The following GRIK5 variants were observed in gnomAD, a reference collection of about 807,000 sequenced individuals.
GRIK5 encodes glutamate receptor ionotropic, kainate 5.
In GRIK5, 43 loss-of-function variants were observed where a neutral mutation model predicts 97.4. The observed-to-expected ratio is 0.44, with a 90% confidence interval of 0.35 to 0.57. The LOEUF (loss-of-function observed/expected upper bound fraction) is 0.57. Ranked by LOEUF, GRIK5 falls within the 20% of genes least tolerant of loss-of-function variation. The pLI, the probability that GRIK5 is intolerant of heterozygous loss-of-function variation, is 0.01. For synonymous variants in GRIK5, 580 were observed against 583.5 expected (o/e 0.99, Z 0.09); for missense variants, 1,015 against 1,382.0 (o/e 0.73, Z 4.21).
At position 42,059,385 on chromosome 19, in the gene GRIK5, G is replaced by A. The variant is rs147871232; in HGVS notation, c.651C>T (p.Asp217=). Residue 217 remains aspartate, a synonymous_variant, in exon 6 of 20, where the codon GAC becomes GAT. Coordinates refer to ENST00000593562, the MANE Select transcript of GRIK5 (RefSeq NM_002088.5). The part of the protein sequence containing the change: ...RDDKVSTIII[D]ANASISHLIL... ...TGAGGTGGGAGATGGAGGCGTTGGCGTCGATGATGATGGTGGACACCTTGT... is the reference window on the plus strand; with the variant it reads ...TGAGGTGGGAGATGGAGGCGTTGGCATCGATGATGATGGTGGACACCTTGT... 1.3e-5 allele frequency: 21 copies of A among 1,613,762 alleles called. No homozygotes were observed. The highest frequency in any genetic ancestry group is 3.3e-5 in the South Asian group (3 of 91,072).
chr19:41,999,051 G>A lies in GRIK5; in HGVS notation c.2763C>T (p.Pro921=), dbSNP rs1238716918. The A allele has an allele frequency of 8.1e-7, 1 of 1,238,234 alleles. No individual in the cohort carries two copies. Among genetic ancestry groups the A allele is most frequent in the Non-Finnish European group, 1.0e-6 (1 of 992,920 alleles). The allele number at this position is 1,238,234 out of a possible 1,614,324, so 76.7% of individuals were successfully genotyped here. ...CGTGGGTGCAGGGGGTGGGGGCGGC[G>A]GGTCGGGCTCCGCTGGGGGGCCCCG... is the stretch of plus-strand genomic sequence containing the variant. ...DDPGPPSGAR[P]AAPTPCTHVR... Residue 921 remains proline, a synonymous_variant, in exon 20 of 20, where the codon CCC becomes CCT. Transcript: ENST00000593562. This position sits in a 1 kb window ranked among gnomAD's most constrained non-coding sequence, Gnocchi z 5.0.
At position 42,062,702 on chromosome 19, in the gene GRIK5, C is replaced by A; in HGVS notation, c.343-49G>T. On this transcript the variant is annotated intron_variant, in intron 4 of 19. Transcript: ENST00000593562. The surrounding 1 kb of genome is among the most constrained non-coding windows in gnomAD (Gnocchi z 5.3). ...CTCCATCCTGCTTCTCCGCCCAGCC[C>A]TCGCCTCCCAGGGACCCGCTCCCCA... is the stretch of plus-strand genomic sequence containing the variant. The A allele has an allele frequency of 2.5e-6, 4 of 1,613,404 alleles. No individual in the cohort carries two copies. Among genetic ancestry groups the A allele is most frequent in the Non-Finnish European group, 3.4e-6 (4 of 1,179,398 alleles).
In GRIK5 at chr19:42,056,776, G is replaced by A. The variant is rs777272582; in HGVS notation, c.789C>T (p.Asn263=). The A allele has an allele frequency of 6.2e-7, 1 of 1,614,142 alleles. No individual in the cohort carries two copies. Among genetic ancestry groups the A allele is most frequent in the Admixed American group, 1.7e-5 (1 of 60,020 alleles). The part of the protein sequence containing the change: ...HLDGIVEDSS[N]ILGFSMFNTS... ...TGTTGAACATGGAGAAGCCCAGGATGTTGGAGGAGTCCTCCACAATACCGT... is the reference window on the plus strand; with the variant it reads ...TGTTGAACATGGAGAAGCCCAGGATATTGGAGGAGTCCTCCACAATACCGT... Residue 263 remains asparagine, a synonymous_variant, in exon 8 of 20, where the codon AAC becomes AAT. Transcript: ENST00000593562.
chr19:42,006,608 T>A lies in GRIK5; in HGVS notation c.2037+37A>T. ...CCTGAGCTGCTTTGCATGGCAGGGATCCCAACACCACGCCTGAGAGGTTCT... is the reference window on the plus strand; with the variant it reads ...CCTGAGCTGCTTTGCATGGCAGGGAACCCAACACCACGCCTGAGAGGTTCT... On this transcript the variant is annotated intron_variant, in intron 16 of 19. Coordinates refer to ENST00000593562, the MANE Select transcript of GRIK5 (RefSeq NM_002088.5). This position sits in a 1 kb window ranked among gnomAD's most constrained non-coding sequence, Gnocchi z 5.3. 1 of 1,598,186 alleles carries A rather than the reference T, an allele frequency of 6.3e-7. No individual in the cohort carries two copies. The highest frequency in any genetic ancestry group is 8.6e-7 in the Non-Finnish European group (1 of 1,166,768).
chr19:42,008,915 C>T (rs2075525841), intron 15 of GRIK5, among the ~76,000 whole-genome samples: 1 of 152,114 alleles, frequency 6.6e-6, no homozygotes. Flanking sequence ...ACAGATTAGA[C>T]ACCGGCAGCA....
chr19:42,023,566 C>G (rs2075729809), intron 12 of GRIK5, among the ~76,000 whole-genome samples: 1 of 152,134 alleles, frequency 6.6e-6, no homozygotes, highest in Admixed American at 6.5e-5. Context: ...GGCTCCAGTC[C>G]TGGGGCCAGG....
intron 12 of GRIK5, among the ~76,000 whole-genome samples, chr19:42,034,229 A>C (rs1406923401): frequency 6.6e-6 from 1 of 151,944 alleles, no homozygotes; most frequent in Non-Finnish European, 1.5e-5. Flanking sequence ...GGCGTGATGG[A>C]GCGTGCCTGT....
chr19:42,005,728 G>C lies in GRIK5; in HGVS notation c.2258C>G (p.Pro753Arg). The C allele has an allele frequency of 6.2e-7, 1 of 1,608,606 alleles. No homozygotes were observed. Residue 753 changes from proline to arginine, a missense_variant, in exon 17 of 20, where the codon CCG becomes CGG. Pro to Arg is a moderately radical substitution (Grantham distance 103). This residue lies in a region of GRIK5 where 229 missense variants were observed against 341.0 expected (regional missense o/e 0.67). Coordinates refer to ENST00000593562, the MANE Select transcript of GRIK5 (RefSeq NM_002088.5). ...LDTKGYGIGM[P>R]LGSPFRDEIT... ...CACACCGTGCTGTGCCGTACCCAGCGGCATGCCAATGCCGTAGCCCTTGGT... is the reference window on the plus strand; with the variant it reads ...CACACCGTGCTGTGCCGTACCCAGCCGCATGCCAATGCCGTAGCCCTTGGT...
chr19:42,065,151 CA>C lies in GRIK5; in HGVS notation c.244+71del. ...AAGAGGACAAGGCCAGGCCAGAGGCCAGGGGCAGAGGGATGGACTGAGGGCC... is the reference window on the plus strand; with the variant it reads ...AAGAGGACAAGGCCAGGCCAGAGGCCGGGGCAGAGGGATGGACTGAGGGCC... On this transcript the variant is annotated intron_variant, in intron 3 of 19. Coordinates refer to ENST00000593562, the MANE Select transcript of GRIK5 (RefSeq NM_002088.5). The surrounding 1 kb of genome is among the most constrained non-coding windows in gnomAD (Gnocchi z 5.8). 2.9e-6 allele frequency: 4 copies of C among 1,371,208 alleles called. No individual in the cohort carries two copies. The highest frequency in any genetic ancestry group is 3.0e-6 in the Non-Finnish European group (3 of 993,260). The allele number at this position is 1,371,208 out of a possible 1,614,324, so 84.9% of individuals were successfully genotyped here. A position where few individuals can be genotyped will look rare whatever the true frequency, so the allele number is the denominator to read the frequency against.
Position 42,059,472 on chromosome 19 carries a change from C to T in GRIK5, c.564G>A (p.Leu188=). Residue 188 remains leucine (L), a synonymous_variant, in exon 6 of 20, where the codon CTG becomes CTA. Transcript: ENST00000593562. The part of the protein sequence containing the change: ...VRGFLISKET[L]SVRMLDDSRD... Reference sequence around the variant, plus strand: ...GGCTGTCGTCCAACATCCTCACTGACAGCGTCTCCTTGGAGATGAGGAAGC... The same window carrying T: ...GGCTGTCGTCCAACATCCTCACTGATAGCGTCTCCTTGGAGATGAGGAAGC... 1 of 1,613,834 alleles carries T rather than the reference C, an allele frequency of 6.2e-7. No homozygotes were observed. Among genetic ancestry groups the T allele is most frequent in the Non-Finnish European group, 8.5e-7 (1 of 1,179,960 alleles).
chr19:42,059,289 G>T, intron 6 of GRIK5, 60 bp downstream of exon 6: 1 of 1,392,798 alleles, frequency 7.2e-7, no homozygotes, highest in Non-Finnish European at 1.0e-6. Flanking sequence ...TGGGTGACTT[G>T]CTCGGTCACC....
Position 42,021,710 on chromosome 19 carries a change from A to T in GRIK5, c.1698-236T>A, listed in dbSNP as rs1045898429. ...AAATAGAGAAGGGAGGAGGCAAAAA[A>T]GGGAGAGGCGGGAAGGGGAGAGACC... On this transcript the variant is annotated intron_variant, in intron 14 of 19. Transcript: ENST00000593562. The surrounding 1 kb of genome is among the most constrained non-coding windows in gnomAD (Gnocchi z 4.2). 6.6e-6 allele frequency among the ~76,000 whole-genome samples: 1 copy of T among 152,144 alleles called. No individual in the cohort carries two copies. The highest frequency in any genetic ancestry group is 1.5e-5 in the Non-Finnish European group (1 of 68,004).
rs1308731714 is a variant in GRIK5 at position 41,999,780 on chromosome 19, C to G, written c.2515-481G>C. Among the ~76,000 whole-genome samples the G allele has an allele frequency of 2.0e-5, 3 of 152,148 alleles. No individual in the cohort carries two copies. The highest frequency in any genetic ancestry group is 2.0e-4 in the Admixed American group (3 of 15,276). ...GAGGTTATGCTCAAGTGTGCAGAGA[C>G]AGAAGATAACAGACATGTATGTAGT... On this transcript the variant is annotated intron_variant, in intron 19 of 19. Transcript: ENST00000593562. The surrounding 1 kb of genome is among the most constrained non-coding windows in gnomAD (Gnocchi z 5.0).
chr19:42,009,337 G>T (rs1432283151), intron 15 of GRIK5, among the ~76,000 whole-genome samples: 1 of 151,966 alleles, frequency 6.6e-6, no homozygotes, highest in Non-Finnish European at 1.5e-5. Context: ...CCGCTTCCCG[G>T]GTTCAAGCGA....
intron 11 of GRIK5, among the ~76,000 whole-genome samples, chr19:42,047,170 G>A (rs2076053121): frequency 6.6e-6 from 1 of 152,046 alleles, no homozygotes; most frequent in Admixed American, 6.6e-5. Flanking sequence ...TTACAGGCAT[G>A]AGCCACCATG....
At position 42,006,834 on chromosome 19, in the gene GRIK5, A is replaced by G; in HGVS notation, c.1872-24T>C. On this transcript the variant is annotated intron_variant, in intron 15 of 19. Coordinates refer to ENST00000593562, the MANE Select transcript of GRIK5 (RefSeq NM_002088.5). The surrounding 1 kb of genome is among the most constrained non-coding windows in gnomAD (Gnocchi z 5.3). The stretch of plus-strand genomic sequence containing the variant: ...ACCTGAAGGGTGGGAGGGGTGAGTC[A>G]CGGGCTGGAGTCACCCCTGCTGACC... 1 of 1,564,186 alleles carries G rather than the reference A, an allele frequency of 6.4e-7. No individual in the cohort carries two copies.
chr19:42,040,054 ATGT>A (rs963540744), intron 12 of GRIK5, among the ~76,000 whole-genome samples: 1 of 152,078 alleles, frequency 6.6e-6, no homozygotes, highest in African/African-American at 2.4e-5. Context: ...TCTTCACTGC[ATGT>A]TGTTCTTCAA....
Position 42,062,088 on chromosome 19 carries a change from C to A in GRIK5, c.508+400G>T, listed in dbSNP as rs1269177203. Among the ~76,000 whole-genome samples the A allele has an allele frequency of 2.0e-5, 3 of 152,340 alleles. No individual in the cohort carries two copies. In the East Asian group the frequency reaches 5.8e-4, roughly 29 times the overall value. The stretch of plus-strand genomic sequence containing the variant: ...GATGTCTCTTTCTCATAGACACAGG[C>A]TCTGAACCTCCCAGATGGATTAGGA... On this transcript the variant is annotated intron_variant, in intron 5 of 19. Transcript: ENST00000593562. The surrounding 1 kb of genome is among the most constrained non-coding windows in gnomAD (Gnocchi z 5.3).
intron 11 of GRIK5, among the ~76,000 whole-genome samples, chr19:42,048,431 C>T (rs751758954): frequency 6.6e-6 from 1 of 151,994 alleles, no homozygotes; most frequent in South Asian, 2.1e-4. Context: ...ACCATCCTGG[C>T]TAATCGGTGA....
Sources: allele counts gnomAD v4.1 joint callset (sites outside exome capture counted in the v4.1 genomes callset), GRCh38; gene constraint gnomAD v4.1.1; regional missense constraint gnomAD v4.1.1; non-coding constraint Gnocchi (gnomAD v3.1); transcripts MANE v1.5; gene names NCBI Gene and HGNC (gene_info 2026-07-23, HGNC 2026-07-21).